Variants in NUDT19 observed in about 807,000 individuals in gnomAD.
NUDT19 encodes the protein acyl-coenzyme A diphosphatase NUDT19.
NUDT19 carries 31 observed loss-of-function variants against 22.2 expected under a neutral mutation model. The observed-to-expected ratio is 1.40, with a 90% confidence interval of 1.05 to 1.89. NUDT19 has a LOEUF of 1.89. Ranked by LOEUF, NUDT19 falls within the 40% of genes most tolerant of loss-of-function variation. The probability of loss-of-function intolerance (pLI) is 0.00; values close to 1 mark genes in which losing one functional copy is unlikely to be tolerated. For synonymous variants in NUDT19, 325 were observed against 230.8 expected, an observed-to-expected ratio of 1.41 and a Z score of -3.70; for missense variants, 752 against 514.2, an observed-to-expected ratio of 1.46 and a Z score of -4.47.
At chr19:32,692,847 C>T (rs1372670590) in intron 1 of NUDT19, among the ~76,000 whole-genome samples, 173 bp downstream of exon 1, 1 of 152,250 alleles carries the variant, frequency 6.6e-6, no homozygotes, top group East Asian at 1.9e-4. Flanking sequence ...AAGCCATGCT[C>T]TTGGTGAAGT....
intron 1 of NUDT19, among the ~76,000 whole-genome samples, chr19:32,694,955 A>G (rs1452165419): frequency 6.6e-6 from 1 of 152,194 alleles, no homozygotes; most frequent in African/African-American, 2.4e-5. Flanking sequence ...GGAAACATCT[A>G]TCATCCTGTC....
rs562903768 is a variant in NUDT19, at chr19:32,710,229, G to A, written c.922+837G>A. ...GGGTTTCACCATGTTGGCCAGGCTGGTCTTGAACTCCTGACCTCAGGTGAT... is the reference window on the plus strand; with the variant it reads ...GGGTTTCACCATGTTGGCCAGGCTGATCTTGAACTCCTGACCTCAGGTGAT... On this transcript the variant is annotated intron_variant, in intron 2 of 2. Coordinates refer to ENST00000397061, the MANE Select transcript of NUDT19 (RefSeq NM_001105570.2). 2.3e-4 allele frequency among the ~76,000 whole-genome samples: 34 copies of A among 151,002 alleles called. 1 individual carries two copies. In the South Asian group the frequency reaches 5.8e-3, roughly 26 times the overall value.
intron 1 of NUDT19, among the ~76,000 whole-genome samples, chr19:32,697,359 G>A (rs1000427098): frequency 3.3e-5 from 5 of 152,110 alleles, no homozygotes; most frequent in Admixed American, 1.3e-4. Flanking sequence ...TTGTCTTTTA[G>A]GATCAATTGA....
In NUDT19 at chr19:32,693,059, G is replaced by C. The variant is rs553915121; in HGVS notation, c.714+385G>C. On this transcript the variant is annotated intron_variant, in intron 1 of 2. Transcript: ENST00000397061. ...TTATTTATTTTTGGTACAGATGGGG[G>C]TCTTGTCTCTCTGTGTTGCACACCC... Among the ~76,000 whole-genome samples, 7 of 152,346 alleles carry C rather than the reference G, an allele frequency of 4.6e-5. No homozygotes were observed. The South Asian group carries it at 1.2e-3, about 27-fold the overall frequency.
chr19:32,704,876 G>A (rs1422067762), intron 1 of NUDT19, among the ~76,000 whole-genome samples: 1 of 152,056 alleles, frequency 6.6e-6, no homozygotes, highest in Non-Finnish European at 1.5e-5. Flanking sequence ...GGAGGCCAAG[G>A]CGGGTAGATC....
chr19:32,697,942 T>C (rs1968284520), intron 1 of NUDT19, among the ~76,000 whole-genome samples: 1 of 152,154 alleles, frequency 6.6e-6, no homozygotes. Flanking sequence ...GAAGGGGACA[T>C]AACCGATAGC....
Position 32,711,760 on chromosome 19 carries a change from CTA to C in NUDT19, c.935_936del (p.Tyr312PhefsTer14), listed in dbSNP as rs1312134038. 4 of 1,592,280 alleles carry C rather than the reference CTA, an allele frequency of 2.5e-6. No individual in the cohort carries two copies. The highest frequency in any genetic ancestry group is 3.4e-6 in the Non-Finnish European group (4 of 1,161,232). On this transcript the variant is annotated frameshift_variant, in exon 3 of 3. Transcript: ENST00000397061. LOFTEE classifies it low-confidence loss of function (END_TRUNC). ...ATTTTTTCCTTTTTCAGGTGATGAG[CTA>C]TATTTAGAAGATTCAGACTTTTTGG... ...GMVHLLPGDE[L>X]YLEDSDFLEN... is the part of the protein sequence containing the mutation.
At position 32,692,615 on chromosome 19, in the gene NUDT19, T is replaced by A. The variant is rs746325249; in HGVS notation, c.655T>A (p.Cys219Ser). 5.2e-6 allele frequency: 8 copies of A among 1,547,780 alleles called. No individual in the cohort carries two copies. Among genetic ancestry groups the A allele is most frequent in the Non-Finnish European group, 6.9e-6 (8 of 1,153,032 alleles). Reference protein sequence around the residue: ...TRRFDTAFFLCCLREPPPVYP... With the variant: ...TRRFDTAFFLSCLREPPPVYP... ...CCGCTTTGACACGGCCTTCTTCCTGTGCTGCCTGCGCGAGCCGCCGCCCGT... is the reference window on the plus strand; with the variant it reads ...CCGCTTTGACACGGCCTTCTTCCTGAGCTGCCTGCGCGAGCCGCCGCCCGT... Residue 219 changes from cysteine (C) to serine (S), a missense_variant, in exon 1 of 3, where the codon TGC (cysteine) becomes AGC (serine). Physicochemically the swap from Cys to Ser is moderately radical, Grantham distance 112. Coordinates refer to ENST00000397061, the MANE Select transcript of NUDT19 (RefSeq NM_001105570.2).
rs776658312 is a variant in NUDT19 at position 32,692,646 on chromosome 19, C to G, written c.686C>G (p.Pro229Arg). 1 of 1,522,468 alleles carries G rather than the reference C, an allele frequency of 6.6e-7. No homozygotes were observed. Among genetic ancestry groups the G allele is most frequent in the Admixed American group, 2.1e-5 (1 of 48,066 alleles). The allele number at this position is 1,522,468 out of a possible 1,614,324, so 94.3% of individuals were successfully genotyped here. A position where few individuals can be genotyped will look rare whatever the true frequency, so the allele number is the denominator to read the frequency against. ...CCLREPPPVY[P>R]DLAEVVGYQW... ...CTGCGCGAGCCGCCGCCCGTCTACCCCGACTTGGCGGAGGTGGTGGGCTAC... is the reference window on the plus strand; with the variant it reads ...CTGCGCGAGCCGCCGCCCGTCTACCGCGACTTGGCGGAGGTGGTGGGCTAC... Residue 229 changes from proline (P) to arginine (R), a missense_variant, in exon 1 of 3, where the codon CCC becomes CGC. Physicochemically the swap from Pro to Arg is moderately radical, Grantham distance 103 (BLOSUM62 -2). Transcript: ENST00000397061.
At chr19:32,694,306 A>G (rs1403321788) in intron 1 of NUDT19, among the ~76,000 whole-genome samples, 1 of 152,170 alleles carries the variant, frequency 6.6e-6, no homozygotes, top group East Asian at 1.9e-4. Context: ...TTGTTAGTGT[A>G]AAAACAACAC....
chr19:32,698,082 G>A (rs1968286440), intron 1 of NUDT19, among the ~76,000 whole-genome samples: 1 of 152,206 alleles, frequency 6.6e-6, no homozygotes, highest in Admixed American at 6.5e-5. Flanking sequence ...GAGGTAAGCT[G>A]AGAGGTCCTC....
Position 32,692,615 on chromosome 19 carries a change from T to G in NUDT19, c.655T>G (p.Cys219Gly). 6.5e-7 allele frequency: 1 copy of G among 1,547,898 alleles called. No individual in the cohort carries two copies. Among genetic ancestry groups the G allele is most frequent in the Non-Finnish European group, 8.7e-7 (1 of 1,153,024 alleles). The stretch of plus-strand genomic sequence containing the variant: ...CCGCTTTGACACGGCCTTCTTCCTG[T>G]GCTGCCTGCGCGAGCCGCCGCCCGT... Reference protein sequence around the residue: ...TRRFDTAFFLCCLREPPPVYP... With the variant: ...TRRFDTAFFLGCLREPPPVYP... The change falls in exon 1 of 3, where the codon TGC becomes GGC. Residue 219 changes from cysteine (C) to glycine (G), a missense_variant. Cys to Gly is a radical substitution (Grantham distance 159). Coordinates refer to ENST00000397061, the MANE Select transcript of NUDT19 (RefSeq NM_001105570.2).
chr19:32,710,065 G>T (rs1013176856), intron 2 of NUDT19, among the ~76,000 whole-genome samples: 4 of 151,896 alleles, frequency 2.6e-5, no homozygotes, highest in Non-Finnish European at 5.9e-5. Context: ...TGTCACCCAG[G>T]CTGGAGTGCA....
rs1968186279 is a variant in NUDT19, at chr19:32,691,978, G to A, written c.18G>A (p.Arg6=). 4 of 1,232,668 alleles carry A rather than the reference G, an allele frequency of 3.2e-6. No homozygotes were observed. Among genetic ancestry groups the A allele is most frequent in the South Asian group, 3.9e-5 (1 of 25,868 alleles). 76.4% of individuals were successfully genotyped at this position (1,232,668 alleles called of 1,614,324 possible). A position where few individuals can be genotyped will look rare whatever the true frequency, so the allele number is the denominator to read the frequency against. MSSSL[R]PGPSRWRRAA... Reference sequence around the variant, plus strand: ...TGCGCGCCATGAGCAGCTCCCTGCGGCCGGGCCCCAGCCGCTGGCGGCGGG... The same window carrying A: ...TGCGCGCCATGAGCAGCTCCCTGCGACCGGGCCCCAGCCGCTGGCGGCGGG... The change falls in exon 1 of 3, where the codon CGG becomes CGA. Residue 6 remains arginine, a synonymous_variant. Coordinates refer to ENST00000397061, the MANE Select transcript of NUDT19 (RefSeq NM_001105570.2).
Position 32,692,078 on chromosome 19 carries a change from G to A in NUDT19, c.118G>A (p.Glu40Lys), listed in dbSNP as rs1652714876. Residue 40 changes from glutamate (E) to lysine (K), a missense_variant, in exon 1 of 3, where the codon GAG (glutamate) becomes AAG (lysine). Glu to Lys is a moderately conservative substitution (Grantham distance 56). Coordinates refer to ENST00000397061, the MANE Select transcript of NUDT19 (RefSeq NM_001105570.2). Reference protein sequence around the residue: ...ATPPSRPPPAEGFRLLLLQRS... With the variant: ...ATPPSRPPPAKGFRLLLLQRS... ...CCCGCCGTCGCGCCCGCCGCCGGCCGAGGGCTTCCGGCTGCTGCTGCTGCA... is the reference window on the plus strand; with the variant it reads ...CCCGCCGTCGCGCCCGCCGCCGGCCAAGGGCTTCCGGCTGCTGCTGCTGCA... The A allele has an allele frequency of 1.5e-6, 2 of 1,319,036 alleles. No individual in the cohort carries two copies. Among genetic ancestry groups the A allele is most frequent in the Non-Finnish European group, 1.9e-6 (2 of 1,038,260 alleles). 81.7% of individuals were successfully genotyped at this position (1,319,036 alleles called of 1,614,324 possible).
chr19:32,706,670 C>T (rs1055165424), intron 1 of NUDT19, among the ~76,000 whole-genome samples: 13 of 152,056 alleles, frequency 8.5e-5, no homozygotes, highest in South Asian at 2.1e-4. Context: ...GTAACAAAAG[C>T]GAAACTCCAT....
At position 32,696,464 on chromosome 19, in the gene NUDT19, G is replaced by C. The variant is rs376972139; in HGVS notation, c.714+3790G>C. On this transcript the variant is annotated intron_variant, in intron 1 of 2. Coordinates refer to ENST00000397061, the MANE Select transcript of NUDT19 (RefSeq NM_001105570.2). ...CCCAAGAGCTATTCCTGCTCTCTCT[G>C]TGACGTTTAAAGAAAAGTTTCGTCC... Among the ~76,000 whole-genome samples, 5 of 152,256 alleles carry C rather than the reference G, an allele frequency of 3.3e-5. No homozygotes were observed. In the East Asian group the frequency reaches 9.7e-4, roughly 29 times the overall value.
chr19:32,700,395 T>C (rs1968321985), intron 1 of NUDT19, among the ~76,000 whole-genome samples: 1 of 152,198 alleles, frequency 6.6e-6, no homozygotes, highest in Non-Finnish European at 1.5e-5. Flanking sequence ...AACCTTGAGC[T>C]AGACACAGAG....
At chr19:32,707,737 G>C (rs1968401683) in intron 1 of NUDT19, among the ~76,000 whole-genome samples, 1 of 152,154 alleles carries the variant, frequency 6.6e-6, no homozygotes, top group Non-Finnish European at 1.5e-5. Context: ...CCAGCACTTT[G>C]AGAGGCCGAG....
Sources: allele counts gnomAD v4.1 joint callset (sites outside exome capture counted in the v4.1 genomes callset), GRCh38; gene constraint gnomAD v4.1.1; transcripts MANE v1.5; gene names NCBI Gene and HGNC (gene_info 2026-07-23, HGNC 2026-07-21).